Variants in ABTB3 observed in about 807,000 individuals in gnomAD.
ABTB3 encodes the protein ankyrin repeat- and BTB/POZ domain-containing protein 3.
chr12:107,319,860 C>A, the ABTB3 span: 1 of 1,229,924 alleles, frequency 8.1e-7, no homozygotes, highest in Non-Finnish European at 1.0e-6. Context: ...GCCAGCAGCG[C>A]CAGCGGGGGC....
chr12:107,428,723 T>C, the ABTB3 span, among the ~76,000 whole-genome samples: 3,654 of 152,346 alleles, frequency 0.024, 67 homozygotes, highest in Non-Finnish European at 0.04. Context: ...GGTTTGCTAT[T>C]GGGGAAAGTC....
the ABTB3 span, chr12:107,319,426 C>T: frequency 6.2e-6 from 10 of 1,606,728 alleles, no homozygotes; most frequent in Non-Finnish European, 7.6e-6. Flanking sequence ...AGTACGAGAT[C>T]CAGAGCGCCA....
the ABTB3 span, chr12:107,617,238 G>A: frequency 8.7e-6 from 14 of 1,613,640 alleles, no homozygotes; most frequent in Non-Finnish European, 1.2e-5. Flanking sequence ...CCTGGCCCTT[G>A]AAGTGCCTGT....
At chr12:107,599,196 A>G in the ABTB3 span, among the ~76,000 whole-genome samples, 53 of 152,374 alleles carry the variant, frequency 3.5e-4, no homozygotes, top group African/African-American at 1.1e-3. Flanking sequence ...TTCCTAGCCT[A>G]TATGAGTATT....
the ABTB3 span, among the ~76,000 whole-genome samples, chr12:107,626,488 A>C: frequency 6.6e-6 from 1 of 151,764 alleles, no homozygotes; most frequent in African/African-American, 2.4e-5. Flanking sequence ...TGGGACTACA[A>C]GCACCCACCA....
chr12:107,417,037 T>C, the ABTB3 span, among the ~76,000 whole-genome samples: 2 of 152,224 alleles, frequency 1.3e-5, no homozygotes, highest in East Asian at 1.9e-4. Context: ...AGGATCAAAT[T>C]TGACAACTGA....
At chr12:107,525,149 A>C in the ABTB3 span, among the ~76,000 whole-genome samples, 3 of 151,856 alleles carry the variant, frequency 2.0e-5, no homozygotes, top group Non-Finnish European at 4.4e-5. Context: ...ACATAGTGAG[A>C]CTTTGTCTCT....
At chr12:107,633,761 T>C in the ABTB3 span, among the ~76,000 whole-genome samples, 2 of 152,188 alleles carry the variant, frequency 1.3e-5, no homozygotes, top group African/African-American at 4.8e-5. Flanking sequence ...TGACAGAATT[T>C]CAGTGCATGG....
the ABTB3 span, among the ~76,000 whole-genome samples, chr12:107,338,561 G>T: frequency 6.6e-6 from 1 of 152,186 alleles, no homozygotes. Flanking sequence ...ATATTCCAGG[G>T]TTGGGAAGTC....
the ABTB3 span, among the ~76,000 whole-genome samples, chr12:107,444,714 T>C: frequency 6.6e-6 from 1 of 152,164 alleles, no homozygotes; most frequent in Admixed American, 6.5e-5. Flanking sequence ...CCCAAGATGT[T>C]TGGCAAATGA....
chr12:107,488,016 A>G, the ABTB3 span, among the ~76,000 whole-genome samples: 60 of 152,040 alleles, frequency 3.9e-4, no homozygotes, highest in African/African-American at 1.4e-3. Context: ...CAGTGTGGGA[A>G]ACGGTGTTTA....
chr12:107,484,369 G>GTGT, the ABTB3 span, among the ~76,000 whole-genome samples: 1 of 152,218 alleles, frequency 6.6e-6, no homozygotes, highest in Non-Finnish European at 1.5e-5. Context: ...CAGGCAGAGG[G>GTGT]ATGAGTAGGT....
At chr12:107,430,280 T>C in the ABTB3 span, among the ~76,000 whole-genome samples, 1 of 152,258 alleles carries the variant, frequency 6.6e-6, no homozygotes, top group African/African-American at 2.4e-5. Flanking sequence ...TGTGCTTTTA[T>C]AAATAGCATC....
chr12:107,524,765 C>T, the ABTB3 span, among the ~76,000 whole-genome samples: 1 of 152,196 alleles, frequency 6.6e-6, no homozygotes, highest in Non-Finnish European at 1.5e-5. Flanking sequence ...ACTACACTCC[C>T]TCCAGGGAAG....
At chr12:107,544,170 G>T in the ABTB3 span, 1 of 1,602,198 alleles carries the variant, frequency 6.2e-7, no homozygotes, top group Non-Finnish European at 8.5e-7. Context: ...CCTTGTGGTG[G>T]GTGGGTACTG....
the ABTB3 span, among the ~76,000 whole-genome samples, chr12:107,439,195 T>C: frequency 6.6e-6 from 1 of 151,456 alleles, no homozygotes; most frequent in Non-Finnish European, 1.5e-5. Context: ...AGTTGTCTGC[T>C]TTTTTTTTCT....
chr12:107,585,994 A>G, the ABTB3 span, among the ~76,000 whole-genome samples: 1 of 152,200 alleles, frequency 6.6e-6, no homozygotes, highest in Non-Finnish European at 1.5e-5. Flanking sequence ...CACTGAGGTG[A>G]TGCAGATGGT....
the ABTB3 span, among the ~76,000 whole-genome samples, chr12:107,450,466 G>A: frequency 6.6e-5 from 10 of 152,142 alleles, no homozygotes; most frequent in African/African-American, 2.4e-4. Flanking sequence ...CAGAAAGAAT[G>A]GGGGCTTGGG....
At chr12:107,599,887 TCA>T in the ABTB3 span, among the ~76,000 whole-genome samples, 1 of 152,086 alleles carries the variant, frequency 6.6e-6, no homozygotes, top group Non-Finnish European at 1.5e-5. Flanking sequence ...AGAGCAGAAA[TCA>T]CATCCTATTG....
Sources: gnomAD v4.1 joint callset for allele counts (sites outside exome capture counted in the v4.1 genomes callset) on GRCh38, gnomAD v4.1.1 for gene constraint, MANE v1.5 for transcripts, NCBI Gene and HGNC (gene_info 2026-07-23, HGNC 2026-07-21) for gene names.